Variants in NBPF11 observed in about 807,000 individuals in gnomAD.
NBPF11 encodes NBPF family member NBPF11.
A neutral mutation model predicts 93.9 loss-of-function variants in NBPF11; 72 were observed. The observed-to-expected ratio is 0.77, with a 90% CI of 0.63 to 0.93. NBPF11 has a LOEUF of 0.93. Ranked by LOEUF, NBPF11 falls within the 40% of genes least tolerant of loss-of-function variation. NBPF11 has a pLI of 0.00. For synonymous variants in NBPF11, 224 were observed against 304.9 expected (o/e 0.73, Z 2.76); for missense variants, 705 against 802.2 (o/e 0.88, Z 1.46).
chr1:148,123,682 C>G (rs1398514645), intron 7 of NBPF11, among the ~76,000 whole-genome samples, 171 bp downstream of exon 7: 1 of 151,988 alleles, frequency 6.6e-6, no homozygotes, highest in African/African-American at 2.4e-5. Context: ...GACCTCCAAA[C>G]CGATGGGTTT....
intron 15 of NBPF11, among the ~76,000 whole-genome samples, chr1:148,111,424 G>A (rs1216183166): frequency 1.3e-5 from 2 of 152,012 alleles, no homozygotes; most frequent in Non-Finnish European, 2.9e-5. Flanking sequence ...ACAGAAGTAG[G>A]CTTCAGAAAG....
rs1571492632 is a variant in NBPF11 at position 148,142,057 on chromosome 1, G to GAAGGCAGGCAGGGAGGGAGA, written c.-277+1357_-277+1358insTCTCCCTCCCTGCCTGCCTT. On this transcript the variant is annotated intron_variant, in intron 2 of 23. Transcript: ENST00000682118. ...GGGAGGAAGGAAGGCAGGGAGGGAG[G>GAAGGCAGGCAGGGAGGGAGA]GAGGAAGGGAGGAAGAAAGGAAGGG... is the stretch of plus-strand genomic sequence containing the variant. Among the ~76,000 whole-genome samples the GAAGGCAGGCAGGGAGGGAGA allele has an allele frequency of 1.5e-4, 22 of 145,684 alleles. No individual in the cohort carries two copies. The East Asian group carries it at 1.8e-3, about 12-fold the overall frequency.
chr1:148,148,359 G>T (rs1453204580), intron 1 of NBPF11, among the ~76,000 whole-genome samples: 3 of 152,316 alleles, frequency 2.0e-5, no homozygotes, highest in Admixed American at 2.0e-4. Flanking sequence ...GAGAGTTGTG[G>T]GGTCCCGGCA....
intron 7 of NBPF11, 93 bp downstream of exon 7, chr1:148,123,760 C>T (rs1282693862): frequency 6.2e-6 from 10 of 1,607,636 alleles, no homozygotes; most frequent in Admixed American, 5.0e-5. Context: ...AGAAAAAAAC[C>T]CCACTGATAC....
At chr1:148,135,202 T>C (rs1671078099) in intron 4 of NBPF11, 1 of 148,340 alleles carries the variant, frequency 6.7e-6, no homozygotes, top group African/African-American at 3.3e-5. Flanking sequence ...GCATGTATCC[T>C]AAGGCATCCT....
In NBPF11 at chr1:148,104,168, A is replaced by T. The variant is rs1329281722; in HGVS notation, c.2582-256T>A. Among the ~76,000 whole-genome samples the T allele has an allele frequency of 7.6e-5, 11 of 144,566 alleles. No homozygotes were observed. In the East Asian group the frequency reaches 2.0e-3, roughly 26 times the overall value. 94.8% of individuals were successfully genotyped at this position (144,566 alleles called of 152,430 possible). Reference sequence around the variant, plus strand: ...AGACAGAGAGAAAGTGAGCTAGTGAATTGGCCAGGTGACATACTGGTAAGG... The same window carrying T: ...AGACAGAGAGAAAGTGAGCTAGTGATTTGGCCAGGTGACATACTGGTAAGG... On this transcript the variant is annotated intron_variant, in intron 23 of 23. Transcript: ENST00000682118.
intron 4 of NBPF11, among the ~76,000 whole-genome samples, chr1:148,130,379 TCTC>T (rs1247296385): frequency 2.1e-5 from 3 of 145,222 alleles, no homozygotes; most frequent in South Asian, 2.2e-4. Flanking sequence ...TTCTCTAAAA[TCTC>T]CTACTAGAAA....
chr1:148,140,405 G>GA (rs1166966471), intron 2 of NBPF11, among the ~76,000 whole-genome samples: 3 of 150,636 alleles, frequency 2.0e-5, no homozygotes, highest in Admixed American at 6.6e-5. Context: ...ATCTACTAAT[G>GA]AAAAAAAATT....
At position 148,143,443 on chromosome 1, in the gene NBPF11, GC is replaced by G; in HGVS notation, c.-306del. On this transcript the variant is annotated 5_prime_UTR_variant, in exon 2 of 24. An upstream open reading frame in the 5' UTR loses its in-frame stop. Coordinates refer to ENST00000682118, the MANE Select transcript of NBPF11 (RefSeq NM_001385469.3). ...TTGGATCTGGCAGCTCTTCATGTCG[GC>G]CCACACCATGTGAAGCTGCTCTTGG... 2.1e-6 allele frequency: 2 copies of G among 947,136 alleles called. No homozygotes were observed. The highest frequency in any genetic ancestry group is 2.7e-6 in the Non-Finnish European group (2 of 732,778). The allele number at this position is 947,136 out of a possible 1,614,324, so 58.7% of individuals were successfully genotyped here.
At chr1:148,106,338 G>C (rs1663607247) in intron 20 of NBPF11, 106 bp from the exon 21 acceptor site, 6 of 725,082 alleles carry the variant, frequency 8.3e-6, no homozygotes, top group South Asian at 7.2e-5. Flanking sequence ...CTCAGCATGA[G>C]AACAGGACAA....
intron 2 of NBPF11, among the ~76,000 whole-genome samples, chr1:148,141,635 C>T (rs1472935452): frequency 4.6e-5 from 7 of 151,822 alleles, no homozygotes; most frequent in Non-Finnish European, 7.3e-5. Context: ...GGGGTGCCCC[C>T]GGAACACAGC....
intron 5 of NBPF11, 71 bp downstream of exon 5, chr1:148,126,758 T>C (rs1269413678): frequency 9.4e-6 from 14 of 1,496,808 alleles, no homozygotes; most frequent in Admixed American, 6.7e-5. Flanking sequence ...AGGATGAAAT[T>C]ATTTTTGATG....
intron 2 of NBPF11, among the ~76,000 whole-genome samples, chr1:148,142,437 G>A (rs1672345628): frequency 1.3e-5 from 2 of 151,340 alleles, no homozygotes; most frequent in East Asian, 1.9e-4. Flanking sequence ...TGAGACAGTG[G>A]ATCCCAGAAC....
chr1:148,112,936 A>C (rs1665643029), intron 15 of NBPF11, among the ~76,000 whole-genome samples: 1 of 151,664 alleles, frequency 6.6e-6, no homozygotes, highest in South Asian at 2.1e-4. Flanking sequence ...TTTTGTCACC[A>C]CCAGGCCTGC....
At chr1:148,105,747 A>C (rs61807287) in intron 21 of NBPF11, among the ~76,000 whole-genome samples, 6 of 74,198 alleles carry the variant, frequency 8.1e-5, no homozygotes, top group African/African-American at 5.0e-4. Flanking sequence ...CACACACACA[A>C]ACACACACAC....
intron 9 of NBPF11, among the ~76,000 whole-genome samples, chr1:148,121,762 C>T (rs1667922120): frequency 2.0e-5 from 3 of 152,146 alleles, no homozygotes; most frequent in African/African-American, 7.2e-5. Context: ...CCACCTAAGT[C>T]TCCTGAGCAG....
intron 14 of NBPF11, among the ~76,000 whole-genome samples, chr1:148,115,476 G>T (rs28452564): frequency 2.0e-5 from 3 of 150,518 alleles, no homozygotes; most frequent in Non-Finnish European, 2.9e-5. Context: ...ACATTGTTCA[G>T]GGACAGATGA....
intron 4 of NBPF11, among the ~76,000 whole-genome samples, chr1:148,134,094 C>A (rs1238203929): frequency 6.6e-6 from 1 of 151,972 alleles, no homozygotes; most frequent in African/African-American, 2.4e-5. Context: ...TGACCTCCAG[C>A]CTGTAGAGGA....
intron 1 of NBPF11, among the ~76,000 whole-genome samples, chr1:148,146,079 G>C (rs1553276755): frequency 6.6e-6 from 1 of 152,002 alleles, no homozygotes; most frequent in East Asian, 1.9e-4. Flanking sequence ...CAGGGGTGCG[G>C]AGGGACCGAC....
Sources: gnomAD v4.1 joint callset for allele counts (sites outside exome capture counted in the v4.1 genomes callset) on GRCh38, gnomAD v4.1.1 for gene constraint, MANE v1.5 for transcripts, NCBI Gene and HGNC (gene_info 2026-07-23, HGNC 2026-07-21) for gene names.